ACVR1: variants seen among roughly 807,000 people sequenced by gnomAD.
ACVR1 encodes the protein activin receptor type-1.
ACVR1 carries 38 observed loss-of-function variants against 57.1 expected under a neutral mutation model. The observed-to-expected ratio is 0.67, with a 90% confidence interval of 0.51 to 0.87. ACVR1 has a LOEUF of 0.87. ACVR1 is among the 40% of genes least tolerant of loss of function. The probability of loss-of-function intolerance (pLI) is 0.00; values close to 1 mark genes in which losing one functional copy is unlikely to be tolerated. For synonymous variants in ACVR1, 212 were observed against 228.1 expected (o/e 0.93, Z 0.63); for missense variants, 463 against 638.2 (o/e 0.73, Z 2.96).
intron 1 of ACVR1, among the ~76,000 whole-genome samples, chr2:157,855,238 G>A (rs1399195450): frequency 1.4e-5 from 2 of 141,400 alleles, no homozygotes; most frequent in African/African-American, 5.3e-5. Context: ...GCAACATGGT[G>A]AAACCTCGTC....
chr2:157,766,267 C>G (rs758317213), intron 7 of ACVR1, 71 bp from the exon 8 acceptor site: 35 of 1,468,906 alleles, frequency 2.4e-5, no homozygotes, highest in Admixed American at 1.7e-5. Context: ...TTAGAAATAG[C>G]GACCTACACA....
chr2:157,788,229 C>T (rs576815937), intron 3 of ACVR1, among the ~76,000 whole-genome samples: 1 of 152,146 alleles, frequency 6.6e-6, no homozygotes, highest in African/African-American at 2.4e-5. Context: ...ACTTATCCCC[C>T]CTTATGCACC....
chr2:157,820,972 C>T (rs1374134525), intron 1 of ACVR1, among the ~76,000 whole-genome samples: 3 of 152,144 alleles, frequency 2.0e-5, no homozygotes, highest in Non-Finnish European at 4.4e-5. Flanking sequence ...ATTCATTGGA[C>T]TCTCAAATAA....
intron 1 of ACVR1, among the ~76,000 whole-genome samples, chr2:157,820,343 C>T (rs1428751578): frequency 6.6e-6 from 1 of 152,144 alleles, no homozygotes; most frequent in African/African-American, 2.4e-5. Flanking sequence ...TGGTATTTTC[C>T]AAGATGCTGG....
intron 9 of ACVR1, among the ~76,000 whole-genome samples, chr2:157,741,093 C>G (rs1473080756): frequency 6.6e-6 from 1 of 152,126 alleles, no homozygotes; most frequent in East Asian, 1.9e-4. Flanking sequence ...AAGACATGCT[C>G]TTGTTTTCCA....
intron 6 of ACVR1, among the ~76,000 whole-genome samples, chr2:157,773,441 C>T (rs906631286): frequency 6.6e-6 from 1 of 152,146 alleles, no homozygotes; most frequent in Non-Finnish European, 1.5e-5. Context: ...TATCATTCCA[C>T]GGACTGCTAC....
chr2:157,851,998 C>A (rs955478543), intron 1 of ACVR1, among the ~76,000 whole-genome samples: 7 of 147,900 alleles, frequency 4.7e-5, no homozygotes, highest in African/African-American at 1.7e-4. Flanking sequence ...TTATTATGTT[C>A]TGAAGAAGAC....
chr2:157,749,654 A>G (rs1463721666), intron 9 of ACVR1, among the ~76,000 whole-genome samples: 1 of 152,206 alleles, frequency 6.6e-6, no homozygotes, highest in Non-Finnish European at 1.5e-5. Flanking sequence ...GAAAGACAAG[A>G]ATGAAATACG....
At chr2:157,827,890 T>C (rs1169242359) in intron 1 of ACVR1, among the ~76,000 whole-genome samples, 1 of 152,194 alleles carries the variant, frequency 6.6e-6, no homozygotes, top group East Asian at 1.9e-4. Flanking sequence ...CCTTTTATCC[T>C]AACTATAAAG....
intron 3 of ACVR1, among the ~76,000 whole-genome samples, chr2:157,782,024 A>G (rs112066483): frequency 3.9e-5 from 6 of 152,200 alleles, no homozygotes; most frequent in African/African-American, 1.4e-4. Context: ...CTTTCTTAAA[A>G]TAACAGGTTG....
rs377013204 is a variant in ACVR1 at position 157,872,656 on chromosome 2, G to A, written c.-183+3140C>T. ...TTCCTGGGGTCTTATCGATCAGCCAGTAGTTACTGTGTGCCCACTGCAAAC... is the reference window on the plus strand; with the variant it reads ...TTCCTGGGGTCTTATCGATCAGCCAATAGTTACTGTGTGCCCACTGCAAAC... On this transcript the variant is annotated intron_variant, in intron 1 of 10. Coordinates refer to ENST00000434821, the MANE Select transcript of ACVR1 (RefSeq NM_001111067.4). Among the ~76,000 whole-genome samples, 56 of 152,330 alleles carry A rather than the reference G, an allele frequency of 3.7e-4. No homozygotes were observed. In the South Asian group the frequency reaches 9.1e-3, roughly 25 times the overall value.
At chr2:157,776,815 C>G (rs533849028) in intron 5 of ACVR1, among the ~76,000 whole-genome samples, 1 of 152,360 alleles carries the variant, frequency 6.6e-6, no homozygotes, top group African/African-American at 2.4e-5. Flanking sequence ...GCAGAACTAT[C>G]AGACACTTTG....
chr2:157,833,079 G>A (rs1266622201), intron 1 of ACVR1, among the ~76,000 whole-genome samples: 1 of 152,116 alleles, frequency 6.6e-6, no homozygotes, highest in Admixed American at 6.5e-5. Context: ...TAAGCCTTTT[G>A]TCACACATTT....
At chr2:157,763,340 CA>C (rs1386764165) in intron 8 of ACVR1, among the ~76,000 whole-genome samples, 2 of 152,094 alleles carry the variant, frequency 1.3e-5, no homozygotes, top group African/African-American at 4.8e-5. Context: ...ATTGATAAAG[CA>C]AACATCACAA....
intron 3 of ACVR1, among the ~76,000 whole-genome samples, chr2:157,798,655 G>A (rs1051697700): frequency 5.3e-5 from 8 of 151,748 alleles, no homozygotes; most frequent in Non-Finnish European, 8.8e-5. Context: ...AGCCTCCCAA[G>A]TATCTGGGAT....
intron 1 of ACVR1, among the ~76,000 whole-genome samples, chr2:157,838,785 C>G (rs576556544): frequency 6.6e-6 from 1 of 152,108 alleles, no homozygotes. Flanking sequence ...CTGGGGAGAA[C>G]GCACAACCCC....
intron 1 of ACVR1, among the ~76,000 whole-genome samples, chr2:157,852,088 T>C (rs1370507290): frequency 2.0e-5 from 3 of 152,052 alleles, no homozygotes; most frequent in Non-Finnish European, 4.4e-5. Context: ...ATGAGAGGTA[T>C]AGGCATCAAA....
chr2:157,749,798 A>G (rs928280507), intron 9 of ACVR1, among the ~76,000 whole-genome samples: 1 of 152,174 alleles, frequency 6.6e-6, no homozygotes, highest in Admixed American at 6.5e-5. Context: ...ACCAAGAGTC[A>G]CCACTTGCAG....
At chr2:157,869,103 T>C (rs1690032363) in intron 1 of ACVR1, among the ~76,000 whole-genome samples, 1 of 152,184 alleles carries the variant, frequency 6.6e-6, no homozygotes, top group Non-Finnish European at 1.5e-5. Flanking sequence ...TCTTCAAGTA[T>C]AATCTAAATA....
Sources: gnomAD v4.1 joint callset for allele counts (sites outside exome capture counted in the v4.1 genomes callset) on GRCh38, gnomAD v4.1.1 for gene constraint, MANE v1.5 for transcripts, NCBI Gene and HGNC (gene_info 2026-07-23, HGNC 2026-07-21) for gene names.